The following CDK8 variants were observed in gnomAD, a reference collection of about 807,000 sequenced individuals.
The protein encoded by CDK8 is cyclin dependent kinase 8.
A neutral mutation model predicts 71.5 loss-of-function variants in CDK8; 29 were observed. The observed-to-expected ratio is 0.41, with a 90% confidence interval of 0.30 to 0.55. CDK8 has a LOEUF of 0.55. Ranked by LOEUF, CDK8 falls within the 20% of genes least tolerant of loss-of-function variation. CDK8 has a pLI of 0.37. For missense variants in CDK8, 288 were observed against 572.6 expected (o/e 0.50, Z 5.07); for synonymous variants, 161 against 192.1 (o/e 0.84, Z 1.34).
chr13:26,320,196 T>C (rs1486248640), intron 1 of CDK8, among the ~76,000 whole-genome samples: 5 of 151,916 alleles, frequency 3.3e-5, no homozygotes, highest in African/African-American at 1.2e-4. Flanking sequence ...GCCCAGGTGT[T>C]TGAGACCAGC....
chr13:26,285,737 A>T (rs868553519), intron 1 of CDK8, among the ~76,000 whole-genome samples: 1 of 152,208 alleles, frequency 6.6e-6, no homozygotes, highest in Non-Finnish European at 1.5e-5. Context: ...ATATACCTAG[A>T]AAACCCTAAA....
chr13:26,363,140 T>G (rs1874224736), intron 4 of CDK8, among the ~76,000 whole-genome samples: 1 of 148,684 alleles, frequency 6.7e-6, no homozygotes, highest in African/African-American at 2.5e-5. Flanking sequence ...GCTAACACGG[T>G]GAAACCCCAT....
At chr13:26,320,247 A>T (rs1028527707) in intron 1 of CDK8, among the ~76,000 whole-genome samples, 1 of 151,774 alleles carries the variant, frequency 6.6e-6, no homozygotes, top group Non-Finnish European at 1.5e-5. Flanking sequence ...AAAAAAATTT[A>T]AAAAAGAAAA....
chr13:26,379,074 T>G (rs1174193430), intron 4 of CDK8, among the ~76,000 whole-genome samples: 1 of 152,154 alleles, frequency 6.6e-6, no homozygotes, highest in Non-Finnish European at 1.5e-5. Flanking sequence ...AAGAAGAAAT[T>G]TAGAGTTTGA....
At chr13:26,269,068 T>G (rs1201059125) in intron 1 of CDK8, among the ~76,000 whole-genome samples, 1 of 152,226 alleles carries the variant, frequency 6.6e-6, no homozygotes, top group Non-Finnish European at 1.5e-5. Flanking sequence ...CTCCATAGAA[T>G]GAGAGGCTGG....
At chr13:26,387,932 C>T (rs554970511) in intron 6 of CDK8, among the ~76,000 whole-genome samples, 1 of 152,350 alleles carries the variant, frequency 6.6e-6, no homozygotes, top group East Asian at 1.9e-4. Flanking sequence ...TACCTCACCT[C>T]ACTGTTCACC....
At chr13:26,392,404 T>C (rs1182484070) in intron 6 of CDK8, among the ~76,000 whole-genome samples, 1 of 146,248 alleles carries the variant, frequency 6.8e-6, no homozygotes, top group South Asian at 2.2e-4. Flanking sequence ...CTCGGCTCAC[T>C]GCAGCCTCTG....
At chr13:26,274,246 C>T (rs767456877) in intron 1 of CDK8, among the ~76,000 whole-genome samples, 37 of 151,974 alleles carry the variant, frequency 2.4e-4, no homozygotes, top group Non-Finnish European at 2.2e-4. Flanking sequence ...ATGTTTGCCT[C>T]CTCCTTGATC....
chr13:26,280,688 A>C (rs927220213), intron 1 of CDK8, among the ~76,000 whole-genome samples: 3 of 152,214 alleles, frequency 2.0e-5, no homozygotes, highest in Non-Finnish European at 4.4e-5. Flanking sequence ...CCTTATTGAT[A>C]TGCGAGATTT....
At chr13:26,381,223 G>C (rs1009412613) in intron 4 of CDK8, among the ~76,000 whole-genome samples, 3 of 152,164 alleles carry the variant, frequency 2.0e-5, no homozygotes, top group African/African-American at 7.2e-5. Flanking sequence ...CAATCCTTTA[G>C]CAAATAGAAA....
chr13:26,402,345 C>A (rs945427967), intron 12 of CDK8, among the ~76,000 whole-genome samples: 2 of 152,088 alleles, frequency 1.3e-5, no homozygotes, highest in African/African-American at 4.8e-5. Context: ...TGTGGAAAGA[C>A]CCTCTTTGAA....
intron 1 of CDK8, among the ~76,000 whole-genome samples, chr13:26,275,297 A>G (rs558756220): frequency 6.6e-6 from 1 of 152,344 alleles, no homozygotes; most frequent in Admixed American, 6.5e-5. Flanking sequence ...TCAACAACTC[A>G]AGGTCTAAAA....
At chr13:26,396,421 A>G (rs1875996300) in intron 8 of CDK8, 67 bp downstream of exon 8, 2 of 562,058 alleles carry the variant, frequency 3.6e-6, no homozygotes, top group African/African-American at 1.9e-5. Context: ...GTAAGACTGA[A>G]TATTCAACAT....
chr13:26,285,328 A>G (rs1872956763), intron 1 of CDK8, among the ~76,000 whole-genome samples: 1 of 152,258 alleles, frequency 6.6e-6, no homozygotes, highest in Non-Finnish European at 1.5e-5. Flanking sequence ...TGGGTTTCAT[A>G]ACAGGGATGT....
chr13:26,322,975 G>A (rs1315024544), intron 1 of CDK8, among the ~76,000 whole-genome samples: 4 of 151,948 alleles, frequency 2.6e-5, no homozygotes, highest in Non-Finnish European at 5.9e-5. Flanking sequence ...TTTAGATAGC[G>A]GTAGTTCCAT....
chr13:26,396,314 C>T lies in CDK8; in HGVS notation c.820C>T (p.Pro274Ser). The T allele has an allele frequency of 1.4e-6, 2 of 1,447,282 alleles. No homozygotes were observed. The highest frequency in any genetic ancestry group is 1.9e-6 in the Non-Finnish European group (2 of 1,054,140). The allele number at this position is 1,447,282 out of a possible 1,614,324, so 89.7% of individuals were successfully genotyped here. The change falls in exon 8 of 13, where the codon CCT becomes TCT. Residue 274 changes from proline to serine, a missense_variant. Coordinates refer to ENST00000381527, the MANE Select transcript of CDK8 (RefSeq NM_001260.3). ...DKDWEDIKKMPEHSTLMKDFR... is the reference protein window; with the variant it reads ...DKDWEDIKKMSEHSTLMKDFR... ...AGATTGGGAAGATATAAAAAAGATG[C>T]CTGAACATTCAACATTAATGAAAGA...
chr13:26,398,692 G>A (rs1049203961), intron 9 of CDK8, among the ~76,000 whole-genome samples: 8 of 151,972 alleles, frequency 5.3e-5, no homozygotes, highest in Admixed American at 2.6e-4. Flanking sequence ...ATGTCGTGTC[G>A]GCCTGGCGTG....
At chr13:26,364,459 CTT>C (rs1874290982) in intron 4 of CDK8, among the ~76,000 whole-genome samples, 2 of 152,070 alleles carry the variant, frequency 1.3e-5, no homozygotes. Context: ...ATTATAGAAA[CTT>C]AATGTTTTTT....
rs561222488 is a variant in CDK8, at chr13:26,394,926, G to A, written c.791-1359G>A. 2.6e-5 allele frequency among the ~76,000 whole-genome samples: 4 copies of A among 152,304 alleles called. No homozygotes were observed. The South Asian group carries it at 8.3e-4, about 32-fold the overall frequency. On this transcript the variant is annotated intron_variant, in intron 7 of 12. Transcript: ENST00000381527. Reference sequence around the variant, plus strand: ...GTAGCAGTGCTGCAGACAGAAAGTAGAGTGAAGATAAGGATGGAGAAAAAA... The same window carrying A: ...GTAGCAGTGCTGCAGACAGAAAGTAAAGTGAAGATAAGGATGGAGAAAAAA...
Sources: gnomAD v4.1 joint callset for allele counts (sites outside exome capture counted in the v4.1 genomes callset) on GRCh38, gnomAD v4.1.1 for gene constraint, MANE v1.5 for transcripts, NCBI Gene and HGNC (gene_info 2026-07-23, HGNC 2026-07-21) for gene names.